HS3ST4: variants seen among roughly 807,000 people sequenced by gnomAD.
HS3ST4 encodes the protein heparan sulfate glucosamine 3-O-sulfotransferase 4.
HS3ST4 carries 17 observed loss-of-function variants against 29.2 expected under a neutral mutation model. That is an observed-to-expected ratio of 0.58 (90% confidence interval 0.40 to 0.87). HS3ST4 has a LOEUF of 0.87. HS3ST4 is among the 40% of genes least tolerant of loss of function. HS3ST4 has a pLI of 0.00. For missense variants in HS3ST4, 627 were observed against 634.5 expected, an observed-to-expected ratio of 0.99 and a Z score of 0.13; for synonymous variants, 314 against 285.7, an observed-to-expected ratio of 1.10 and a Z score of -1.00.
chr16:26,025,539 C>T (rs529028218), intron 1 of HS3ST4, among the ~76,000 whole-genome samples: 24 of 152,294 alleles, frequency 1.6e-4, no homozygotes, highest in African/African-American at 3.6e-4. Flanking sequence ...AGAACTGGAA[C>T]GCTGCCACGC....
rs1388982208 is a variant in HS3ST4, at chr16:26,122,215, GCACACGCATA to G, written c.735-13391_735-13382del. ...AAAAAAATCACATATCAACACACAT[GCACACGCATA>G]CACACACATGCGTGGCAACCTTTCA... On this transcript the variant is annotated intron_variant, in intron 1 of 1. Coordinates refer to ENST00000331351, the MANE Select transcript of HS3ST4 (RefSeq NM_006040.3). Among the ~76,000 whole-genome samples the G allele has an allele frequency of 1.0e-4, 15 of 150,524 alleles. No individual in the cohort carries two copies. The South Asian group carries it at 3.2e-3, about 32-fold the overall frequency.
chr16:26,113,844 C>A (rs555828756), intron 1 of HS3ST4, among the ~76,000 whole-genome samples: 2 of 152,088 alleles, frequency 1.3e-5, no homozygotes, highest in South Asian at 4.2e-4. Context: ...AAGATAGATG[C>A]AATGGTAGTA....
At chr16:26,007,166 C>T (rs1222235734) in intron 1 of HS3ST4, among the ~76,000 whole-genome samples, 5 of 152,198 alleles carry the variant, frequency 3.3e-5, no homozygotes. Context: ...GTGACAATTA[C>T]CAGTAGGAAC....
At chr16:25,863,055 C>T (rs537861381) in intron 1 of HS3ST4, among the ~76,000 whole-genome samples, 28 of 152,238 alleles carry the variant, frequency 1.8e-4, no homozygotes, top group Admixed American at 8.5e-4. Flanking sequence ...ATTTGGATTT[C>T]TTCTTTCGGT....
chr16:25,777,276 C>A (rs889339573), intron 1 of HS3ST4, among the ~76,000 whole-genome samples: 4 of 152,170 alleles, frequency 2.6e-5, no homozygotes, highest in African/African-American at 7.2e-5. Context: ...TTCTTGATAT[C>A]TGCCAATATC....
At chr16:25,766,914 C>T (rs545227349) in intron 1 of HS3ST4, among the ~76,000 whole-genome samples, 83 of 152,238 alleles carry the variant, frequency 5.5e-4, no homozygotes, top group African/African-American at 1.8e-3. Flanking sequence ...ACCAGATACA[C>T]GCACCTAGTC....
At position 25,908,061 on chromosome 16, in the gene HS3ST4, G is replaced by T. The variant is rs185564207; in HGVS notation, c.734+214910G>T. 8.5e-5 allele frequency among the ~76,000 whole-genome samples: 13 copies of T among 152,290 alleles called. No individual in the cohort carries two copies. In the East Asian group the frequency reaches 2.3e-3, roughly 27 times the overall value. On this transcript the variant is annotated intron_variant, in intron 1 of 1. Transcript: ENST00000331351. ...AGATGTGTGTTTGTGATAGAAGAGGGGAGGGGGAGAATGAATCATAGGTGT... is the reference window on the plus strand; with the variant it reads ...AGATGTGTGTTTGTGATAGAAGAGGTGAGGGGGAGAATGAATCATAGGTGT...
intron 1 of HS3ST4, among the ~76,000 whole-genome samples, chr16:25,855,523 C>T (rs536691663): frequency 3.6e-4 from 55 of 152,108 alleles, no homozygotes; most frequent in Non-Finnish European, 7.2e-4. Flanking sequence ...TTATGTGATG[C>T]TATACCAGAG....
At chr16:25,889,806 G>A (rs1007970278) in intron 1 of HS3ST4, among the ~76,000 whole-genome samples, 3 of 152,134 alleles carry the variant, frequency 2.0e-5, no homozygotes, top group Non-Finnish European at 2.9e-5. Context: ...TCGGTAGGAG[G>A]TAATTGAATC....
Position 25,892,353 on chromosome 16 carries a change from C to T in HS3ST4, c.734+199202C>T, listed in dbSNP as rs1001461135. Among the ~76,000 whole-genome samples, 7 of 152,108 alleles carry T rather than the reference C, an allele frequency of 4.6e-5. 1 individual carries two copies. The South Asian group carries it at 6.2e-4, about 14-fold the overall frequency. On this transcript the variant is annotated intron_variant, in intron 1 of 1. Coordinates refer to ENST00000331351, the MANE Select transcript of HS3ST4 (RefSeq NM_006040.3). ...TGTCACTTCCAAAACATTATGACCCCGAACACACTTTCTTTCACTTTTTTC... is the reference window on the plus strand; with the variant it reads ...TGTCACTTCCAAAACATTATGACCCTGAACACACTTTCTTTCACTTTTTTC...
chr16:26,013,813 T>C (rs192590506), intron 1 of HS3ST4, among the ~76,000 whole-genome samples: 1 of 151,840 alleles, frequency 6.6e-6, no homozygotes, highest in Non-Finnish European at 1.5e-5. Context: ...ATCGAGACCA[T>C]CCTGGCCAAC....
chr16:25,701,384 GAAGCAGGGTT>G (rs2141580693), intron 1 of HS3ST4, among the ~76,000 whole-genome samples: 1 of 152,230 alleles, frequency 6.6e-6, no homozygotes, highest in South Asian at 2.1e-4. Flanking sequence ...TAAGAGTAGA[GAAGCAGGGTT>G]CTCTATTCTT....
At chr16:25,996,181 A>G (rs1969157593) in intron 1 of HS3ST4, among the ~76,000 whole-genome samples, 1 of 152,142 alleles carries the variant, frequency 6.6e-6, no homozygotes, top group East Asian at 1.9e-4. Context: ...CTCTGCAGGC[A>G]TTGGTGGTGA....
chr16:25,737,339 A>C (rs1966616380), intron 1 of HS3ST4, among the ~76,000 whole-genome samples: 1 of 141,672 alleles, frequency 7.1e-6, no homozygotes, highest in Non-Finnish European at 1.5e-5. Context: ...ATGTGAATAA[A>C]AGTATATGTT....
At chr16:25,795,891 C>T (rs550486171) in intron 1 of HS3ST4, among the ~76,000 whole-genome samples, 7 of 152,218 alleles carry the variant, frequency 4.6e-5, no homozygotes, top group South Asian at 4.1e-4. Flanking sequence ...TTCTCGCTGG[C>T]GGGTATTTCC....
At chr16:25,907,360 G>A (rs184693563) in intron 1 of HS3ST4, among the ~76,000 whole-genome samples, 62 of 152,288 alleles carry the variant, frequency 4.1e-4, no homozygotes, top group Non-Finnish European at 7.2e-4. Flanking sequence ...GACATGGGGA[G>A]GCGGGGTAGG....
intron 1 of HS3ST4, among the ~76,000 whole-genome samples, chr16:25,819,039 C>T (rs2141632318): frequency 6.6e-6 from 1 of 152,222 alleles, no homozygotes; most frequent in Non-Finnish European, 1.5e-5. Flanking sequence ...GAAACTGAGG[C>T]AGAAGAAAGG....
chr16:25,769,951 C>T (rs1184952152), intron 1 of HS3ST4, among the ~76,000 whole-genome samples: 1 of 152,210 alleles, frequency 6.6e-6, no homozygotes, highest in Non-Finnish European at 1.5e-5. Flanking sequence ...GCCCCTTCTC[C>T]TCCTTTCTAG....
intron 1 of HS3ST4, among the ~76,000 whole-genome samples, chr16:25,964,182 A>G (rs1275145013): frequency 6.6e-6 from 1 of 151,668 alleles, no homozygotes; most frequent in East Asian, 1.9e-4. Context: ...TCTCATAAAA[A>G]AAAAAAAAGG....
Sources: allele counts gnomAD v4.1 joint callset (sites outside exome capture counted in the v4.1 genomes callset), GRCh38; gene constraint gnomAD v4.1.1; transcripts MANE v1.5; gene names NCBI Gene and HGNC (gene_info 2026-07-23, HGNC 2026-07-21).